Variants in KIAA1614 observed in about 807,000 individuals in gnomAD.
KIAA1614 encodes uncharacterized protein KIAA1614.
A neutral mutation model predicts 88.7 loss-of-function variants in KIAA1614; 76 were observed. That is an observed-to-expected ratio of 0.86 (90% confidence interval 0.71 to 1.04). KIAA1614 has a LOEUF of 1.04. Ranked by LOEUF, KIAA1614 falls within the 50% of genes least tolerant of loss-of-function variation. The probability of loss-of-function intolerance (pLI) is 0.00; values close to 1 mark genes in which losing one functional copy is unlikely to be tolerated. For synonymous variants in KIAA1614, 714 were observed against 675.5 expected (o/e 1.06, Z -0.88); for missense variants, 1,553 against 1,582.5 (o/e 0.98, Z 0.32).
intron 6 of KIAA1614, among the ~76,000 whole-genome samples, chr1:180,940,532 G>A (rs879797761): frequency 9.2e-5 from 14 of 152,102 alleles, no homozygotes; most frequent in Non-Finnish European, 1.6e-4. Context: ...CTGAATGAAT[G>A]ATTGGGTGGG....
Position 180,951,253 on chromosome 1 carries a change from TA to T in KIAA1614, c.*5666del, listed in dbSNP as rs1654720875. 6.6e-6 allele frequency: 1 copy of T among 152,264 alleles called. No homozygotes were observed. Among genetic ancestry groups the T allele is most frequent in the Non-Finnish European group, 1.5e-5 (1 of 68,052 alleles). 9.4% of individuals were successfully genotyped at this position (152,264 alleles called of 1,614,324 possible). Reference sequence around the variant, plus strand: ...CCAATTTCAGGACGTGCTACTGTGGTAGCCAGGATCCAGCTAGTGGGACCGG... The same window carrying T: ...CCAATTTCAGGACGTGCTACTGTGGTGCCAGGATCCAGCTAGTGGGACCGG... On this transcript the variant is annotated 3_prime_UTR_variant, in exon 9 of 9. Coordinates refer to ENST00000367588, the MANE Select transcript of KIAA1614 (RefSeq NM_020950.2).
Position 180,936,220 on chromosome 1 carries a change from G to T in KIAA1614, c.2311G>T (p.Glu771Ter). 1.2e-6 allele frequency: 2 copies of T among 1,614,158 alleles called. No individual in the cohort carries two copies. The highest frequency in any genetic ancestry group is 2.2e-5 in the South Asian group (2 of 91,086). ...CCAGGCCCAGGTTACAGAAAGCCACGAGTCCCTGGAAATTGTCTCTCCTTC... is the reference window on the plus strand; with the variant it reads ...CCAGGCCCAGGTTACAGAAAGCCACTAGTCCCTGGAAATTGTCTCTCCTTC... ...GGQAQVTESHESLEIVSPSSL... is the reference protein window; with the variant it reads ...GGQAQVTESH The change falls in exon 5 of 9, where the codon GAG becomes TAG. Residue 771 changes from glutamate (E) to a stop codon, truncating the protein, a stop_gained. Coordinates refer to ENST00000367588, the MANE Select transcript of KIAA1614 (RefSeq NM_020950.2). LOFTEE classifies it high-confidence loss of function.
At chr1:180,917,131 G>T (rs1571282288) in intron 2 of KIAA1614, 31 bp downstream of exon 2, 1 of 1,571,988 alleles carries the variant, frequency 6.4e-7, no homozygotes, top group East Asian at 2.3e-5. Flanking sequence ...CCAGGTGGTG[G>T]GGGGAGCAGG....
intron 3 of KIAA1614, 107 bp downstream of exon 3, chr1:180,918,021 G>A: frequency 1.1e-6 from 1 of 920,278 alleles, no homozygotes; most frequent in Non-Finnish European, 1.7e-6. Context: ...AGGGCAGGCA[G>A]ACTCCTGCAC....
intron 3 of KIAA1614, among the ~76,000 whole-genome samples, chr1:180,918,680 C>G (rs1437657505): frequency 6.6e-6 from 1 of 152,196 alleles, no homozygotes; most frequent in African/African-American, 2.4e-5. Context: ...TTGTCAGCCC[C>G]TGCGAGGCCT....
chr1:180,944,517 G>T lies in KIAA1614; in HGVS notation c.3287+1G>T. 1 of 1,613,080 alleles carries T rather than the reference G, an allele frequency of 6.2e-7. No homozygotes were observed. The highest frequency in any genetic ancestry group is 8.5e-7 in the Non-Finnish European group (1 of 1,179,470). On this transcript the variant is annotated splice_donor_variant, in intron 8 of 8. Coordinates refer to ENST00000367588, the MANE Select transcript of KIAA1614 (RefSeq NM_020950.2). LOFTEE classifies it high-confidence loss of function. ...CAGGGGACCACAGTGCAGCTGGCAGGTATGAGGGGCACACATGGTTTGGAG... is the reference window on the plus strand; with the variant it reads ...CAGGGGACCACAGTGCAGCTGGCAGTTATGAGGGGCACACATGGTTTGGAG...
intron 3 of KIAA1614, among the ~76,000 whole-genome samples, chr1:180,921,361 G>C (rs1055949814): frequency 6.6e-6 from 1 of 152,196 alleles, no homozygotes; most frequent in African/African-American, 2.4e-5. Flanking sequence ...TGGACATAAA[G>C]GTGCAGGTCA....
intron 3 of KIAA1614, among the ~76,000 whole-genome samples, chr1:180,918,619 G>A (rs547883621): frequency 6.6e-6 from 1 of 152,284 alleles, no homozygotes; most frequent in East Asian, 1.9e-4. Context: ...GAGGCTCCTG[G>A]TCCACAAGGC....
Position 180,916,482 on chromosome 1 carries a change from G to A in KIAA1614, c.379G>A (p.Gly127Arg), listed in dbSNP as rs367924058. 36 of 1,613,974 alleles carry A rather than the reference G, an allele frequency of 2.2e-5. No individual in the cohort carries two copies. The highest frequency in any genetic ancestry group is 2.2e-5 in the South Asian group (2 of 91,088). The change falls in exon 2 of 9, where the codon GGG becomes AGG. Residue 127 changes from glycine (G) to arginine (R), a missense_variant. Physicochemically the swap from Gly to Arg is moderately radical, Grantham distance 125. Coordinates refer to ENST00000367588, the MANE Select transcript of KIAA1614 (RefSeq NM_020950.2). ...QCRRGKAGRA[G>R]TPSEGSFLPG... ...CAGACGAGGCAAGGCAGGGAGAGCC[G>A]GGACTCCATCAGAGGGGTCTTTCCT...
chr1:180,913,073 C>G lies in KIAA1614; in HGVS notation c.-171C>G. 1 of 374,188 alleles carries G rather than the reference C, an allele frequency of 2.7e-6. No individual in the cohort carries two copies. Among genetic ancestry groups the G allele is most frequent in the Non-Finnish European group, 4.6e-6 (1 of 219,424 alleles). The allele number at this position is 374,188 out of a possible 1,614,324, so 23.2% of individuals were successfully genotyped here. ...CGGGGGCTGCCAGCAGAGCCGGGAG[C>G]TGGCCCGGCCTCGGCGCCGTCCCGG... On this transcript the variant is annotated 5_prime_UTR_variant, in exon 1 of 9. Transcript: ENST00000367588.
chr1:180,945,745 T>C lies in KIAA1614; in HGVS notation c.*157T>C. 7.3e-7 allele frequency: 1 copy of C among 1,375,744 alleles called. No individual in the cohort carries two copies. The highest frequency in any genetic ancestry group is 3.8e-5 in the Admixed American group (1 of 26,638). 85.2% of individuals were successfully genotyped at this position (1,375,744 alleles called of 1,614,324 possible). A position where few individuals can be genotyped will look rare whatever the true frequency, so the allele number is the denominator to read the frequency against. On this transcript the variant is annotated 3_prime_UTR_variant, in exon 9 of 9. Coordinates refer to ENST00000367588, the MANE Select transcript of KIAA1614 (RefSeq NM_020950.2). Reference sequence around the variant, plus strand: ...GCTGAGAGTGCGTTGGTGGGGAGTGTGCGGGAGGGGGTAGAGTTGGCAGGT... The same window carrying C: ...GCTGAGAGTGCGTTGGTGGGGAGTGCGCGGGAGGGGGTAGAGTTGGCAGGT...
chr1:180,939,896 C>T (rs1039198793), intron 6 of KIAA1614, among the ~76,000 whole-genome samples: 17 of 152,194 alleles, frequency 1.1e-4, no homozygotes, highest in African/African-American at 4.1e-4. Flanking sequence ...TGTTCTTAAA[C>T]ACCCAGAGCT....
chr1:180,921,304 C>G (rs915368354), intron 3 of KIAA1614, among the ~76,000 whole-genome samples: 1 of 152,158 alleles, frequency 6.6e-6, no homozygotes, highest in Non-Finnish European at 1.5e-5. Context: ...AGATAGGAAC[C>G]GGCCATTTTC....
At chr1:180,919,307 G>C (rs917247898) in intron 3 of KIAA1614, among the ~76,000 whole-genome samples, 1 of 152,238 alleles carries the variant, frequency 6.6e-6, no homozygotes, top group African/African-American at 2.4e-5. Flanking sequence ...AATCACAGTT[G>C]CCTCCCCTTC....
Position 180,913,009 on chromosome 1 carries a change from G to A in KIAA1614, c.-235G>A. 1.1e-5 allele frequency: 3 copies of A among 276,772 alleles called. No homozygotes were observed. Among genetic ancestry groups the A allele is most frequent in the Non-Finnish European group, 1.3e-5 (2 of 149,168 alleles). 17.1% of individuals were successfully genotyped at this position (276,772 alleles called of 1,614,324 possible). A position where few individuals can be genotyped will look rare whatever the true frequency, so the allele number is the denominator to read the frequency against. ...CGTCCTCTCGCCGGGAGGGAGTGCG[G>A]CCCGTGGGGCGCTGCGCCGGCCAGA... On this transcript the variant is annotated 5_prime_UTR_variant, in exon 1 of 9. Transcript: ENST00000367588.
Position 180,946,160 on chromosome 1 carries a change from G to A in KIAA1614, c.*572G>A, listed in dbSNP as rs547541267. ...GAATTTTGAAGGCCATCTTTGCAGAGGAGAGCCAGAGGGAAACTGTCTGTG... is the reference window on the plus strand; with the variant it reads ...GAATTTTGAAGGCCATCTTTGCAGAAGAGAGCCAGAGGGAAACTGTCTGTG... On this transcript the variant is annotated 3_prime_UTR_variant, in exon 9 of 9. Transcript: ENST00000367588. 6.6e-6 allele frequency: 1 copy of A among 152,348 alleles called. No individual in the cohort carries two copies. Among genetic ancestry groups the A allele is most frequent in the African/African-American group, 2.4e-5 (1 of 41,554 alleles). 9.4% of individuals were successfully genotyped at this position (152,348 alleles called of 1,614,324 possible).
At chr1:180,938,802 C>G in intron 6 of KIAA1614, 91 bp downstream of exon 6, 1 of 1,210,502 alleles carries the variant, frequency 8.3e-7, no homozygotes, top group Non-Finnish European at 1.2e-6. Context: ...GGTGGCATGA[C>G]CCACCTCCCT....
rs1450760797 is a variant in KIAA1614 at position 180,935,823 on chromosome 1, G to A, written c.1914G>A (p.Gly638=). The part of the protein sequence containing the change: ...AGTSQAGWAC[G]RTQGSSPRLR... ...CCTCTCAGGCTGGCTGGGCGTGTGG[G>A]CGGACCCAAGGCAGCAGCCCGCGAC... Residue 638 remains glycine (G), a synonymous_variant, in exon 5 of 9, where the codon GGG becomes GGA. Coordinates refer to ENST00000367588, the MANE Select transcript of KIAA1614 (RefSeq NM_020950.2). The surrounding 1 kb of genome is among the most constrained non-coding windows in gnomAD (Gnocchi z 6.1). The A allele has an allele frequency of 1.2e-6, 2 of 1,613,546 alleles. No homozygotes were observed. The highest frequency in any genetic ancestry group is 2.2e-5 in the South Asian group (2 of 91,078).
At chr1:180,942,303 C>T (rs566927668) in intron 7 of KIAA1614, among the ~76,000 whole-genome samples, 2 of 152,360 alleles carry the variant, frequency 1.3e-5, no homozygotes, top group Admixed American at 6.5e-5. Context: ...CTCTCCCTCA[C>T]GAAGCGCCCC....
Sources: allele counts gnomAD v4.1 joint callset (sites outside exome capture counted in the v4.1 genomes callset), GRCh38; gene constraint gnomAD v4.1.1; non-coding constraint Gnocchi (gnomAD v3.1); transcripts MANE v1.5; gene names NCBI Gene and HGNC (gene_info 2026-07-23, HGNC 2026-07-21).